Variants in MAN1A1 observed in about 807,000 individuals in gnomAD.
The protein encoded by MAN1A1 is mannosyl-oligosaccharide 1,2-alpha-mannosidase IA.
Under a neutral mutation model 70.8 loss-of-function variants are expected in MAN1A1, and 29 were observed. The observed-to-expected ratio is 0.41, with a 90% CI of 0.31 to 0.56. The LOEUF (loss-of-function observed/expected upper bound fraction) is 0.56. MAN1A1 is among the 20% of genes least tolerant of loss of function. The probability of loss-of-function intolerance (pLI) is 0.29; values close to 1 mark genes in which losing one functional copy is unlikely to be tolerated. For missense variants in MAN1A1, 747 were observed against 841.3 expected (o/e 0.89, Z 1.39); for synonymous variants, 349 against 330.1 (o/e 1.06, Z -0.62).
chr6:119,347,603 G>C (rs138626311), intron 2 of MAN1A1, among the ~76,000 whole-genome samples: 76 of 152,304 alleles, frequency 5.0e-4, no homozygotes, highest in African/African-American at 1.7e-3. Context: ...CGGGCTTCAA[G>C]TCCTGACTCA....
chr6:119,226,402 G>A (rs553238525), intron 6 of MAN1A1, among the ~76,000 whole-genome samples: 1 of 152,150 alleles, frequency 6.6e-6, no homozygotes, highest in African/African-American at 2.4e-5. Flanking sequence ...TCTTTAAAAG[G>A]TGCTGCTAGG....
At chr6:119,329,692 A>G (rs887978744) in intron 2 of MAN1A1, among the ~76,000 whole-genome samples, 2 of 152,166 alleles carry the variant, frequency 1.3e-5, no homozygotes, top group African/African-American at 4.8e-5. Context: ...AGTGCCCAGC[A>G]AGTATTCTGT....
intron 8 of MAN1A1, 56 bp downstream of exon 8, chr6:119,201,198 C>A: frequency 7.6e-7 from 1 of 1,307,496 alleles, no homozygotes; most frequent in South Asian, 1.2e-5. Flanking sequence ...TGCTTCCTCT[C>A]TCTCCACGAG....
intron 5 of MAN1A1, among the ~76,000 whole-genome samples, chr6:119,279,393 A>C (rs1298627903): frequency 6.6e-6 from 1 of 152,112 alleles, no homozygotes; most frequent in African/African-American, 2.4e-5. Flanking sequence ...CCAAACCTTA[A>C]CTAAAACCAA....
chr6:119,317,477 C>A (rs1772885587), intron 2 of MAN1A1, among the ~76,000 whole-genome samples: 1 of 152,114 alleles, frequency 6.6e-6, no homozygotes, highest in African/African-American at 2.4e-5. Context: ...AAATACGTAG[C>A]CTTTTATATT....
intron 2 of MAN1A1, among the ~76,000 whole-genome samples, chr6:119,347,586 C>T (rs1385392604): frequency 2.0e-5 from 3 of 152,162 alleles, no homozygotes; most frequent in Non-Finnish European, 4.4e-5. Context: ...GGGGGAAGTT[C>T]GGACCTCGGG....
At chr6:119,339,560 A>G (rs1582817092) in intron 2 of MAN1A1, among the ~76,000 whole-genome samples, 1 of 152,000 alleles carries the variant, frequency 6.6e-6, no homozygotes, top group East Asian at 1.9e-4. Context: ...GAGGAGCATC[A>G]TTGACACTAC....
chr6:119,326,659 T>A (rs1168906698), intron 2 of MAN1A1, among the ~76,000 whole-genome samples: 5 of 152,128 alleles, frequency 3.3e-5, no homozygotes, highest in Admixed American at 1.3e-4. Context: ...ACAGGAAACT[T>A]ACAATCATGG....
At chr6:119,196,166 G>T (rs1212578574) in intron 8 of MAN1A1, among the ~76,000 whole-genome samples, 2 of 152,014 alleles carry the variant, frequency 1.3e-5, no homozygotes, top group Admixed American at 1.3e-4. Context: ...CCTCCCCTTG[G>T]GTTATGATTT....
chr6:119,199,548 T>G (rs1339731151), intron 8 of MAN1A1, among the ~76,000 whole-genome samples: 1 of 152,194 alleles, frequency 6.6e-6, no homozygotes, highest in Non-Finnish European at 1.5e-5. Context: ...ACTAATTTTT[T>G]TTTTTTACTG....
chr6:119,272,127 T>C (rs1775941442), intron 5 of MAN1A1, among the ~76,000 whole-genome samples: 1 of 152,238 alleles, frequency 6.6e-6, no homozygotes, highest in Non-Finnish European at 1.5e-5. Context: ...CTATCATGAA[T>C]AGTCTTATAT....
intron 2 of MAN1A1, among the ~76,000 whole-genome samples, chr6:119,347,077 A>T (rs958684353): frequency 5.9e-5 from 9 of 152,238 alleles, no homozygotes; most frequent in African/African-American, 2.2e-4. Flanking sequence ...GGGGTCTCAG[A>T]AAAGCAGATA....
chr6:119,212,068 C>A (rs943018987), intron 6 of MAN1A1, among the ~76,000 whole-genome samples: 1 of 151,754 alleles, frequency 6.6e-6, no homozygotes, highest in African/African-American at 2.4e-5. Flanking sequence ...TCTCGATCTC[C>A]CAACCTCATG....
chr6:119,192,717 C>G (rs17442112), intron 9 of MAN1A1, among the ~76,000 whole-genome samples: 5,798 of 151,998 alleles, frequency 0.038, 149 homozygotes, highest in Non-Finnish European at 0.06. Flanking sequence ...ACTTGAGAAG[C>G]CTTGATAATA....
intron 6 of MAN1A1, among the ~76,000 whole-genome samples, chr6:119,239,169 C>T (rs967324641): frequency 2.2e-4 from 34 of 152,208 alleles, no homozygotes; most frequent in African/African-American, 7.7e-4. Flanking sequence ...TGAGCCACCG[C>T]ACCCGGCCTG....
intron 5 of MAN1A1, 40 bp downstream of exon 5, chr6:119,290,643 C>A (rs1217286990): frequency 7.1e-7 from 1 of 1,416,336 alleles, no homozygotes; most frequent in East Asian, 2.3e-5. Context: ...TAGTTTAAGA[C>A]ACTTTATAAT....
rs3216465 is a variant in MAN1A1 at position 119,287,544 on chromosome 6, C to CT, written c.897+3138dup. 4.9e-3 allele frequency among the ~76,000 whole-genome samples: 718 copies of CT among 147,822 alleles called. 1 individual carries two copies. The highest frequency in any genetic ancestry group is 7.6e-3 in the Non-Finnish European group (506 of 66,540). On this transcript the variant is annotated intron_variant, in intron 5 of 12. Transcript: ENST00000368468. ...TCTAATTTACTGTTAACAGATGTCA[C>CT]TTTTTTTTTTAATAGAGGAAGGCTA...
intron 7 of MAN1A1, among the ~76,000 whole-genome samples, chr6:119,203,817 G>A (rs1445591575): frequency 6.6e-6 from 1 of 152,144 alleles, no homozygotes; most frequent in African/African-American, 2.4e-5. Context: ...TAGTGGAGAT[G>A]TTTAATAAAC....
chr6:119,320,182 C>G (rs1273074734), intron 2 of MAN1A1, among the ~76,000 whole-genome samples: 1 of 152,144 alleles, frequency 6.6e-6, no homozygotes, highest in Non-Finnish European at 1.5e-5. Flanking sequence ...CTATGTTGGC[C>G]AGGCTGGTCT....
Sources: gnomAD v4.1 joint callset for allele counts (sites outside exome capture counted in the v4.1 genomes callset) on GRCh38, gnomAD v4.1.1 for gene constraint, MANE v1.5 for transcripts, NCBI Gene and HGNC (gene_info 2026-07-23, HGNC 2026-07-21) for gene names.